DNMBP: variants seen among roughly 807,000 people sequenced by gnomAD.
The protein encoded by DNMBP is dynamin-binding protein.
DNMBP carries 87 observed loss-of-function variants against 150.0 expected under a neutral mutation model. The observed-to-expected ratio is 0.58, with a 90% confidence interval of 0.49 to 0.69. DNMBP has a LOEUF of 0.69. DNMBP is among the 30% of genes least tolerant of loss of function. DNMBP has a pLI of 0.00. For missense variants in DNMBP, 1,774 were observed against 1,949.0 expected (o/e 0.91, Z 1.69); for synonymous variants, 711 against 750.4 (o/e 0.95, Z 0.86).
chr10:99,969,370 G>A (rs1244019768), intron 2 of DNMBP, 133 bp from the exon 3 acceptor site: 1 of 855,568 alleles, frequency 1.2e-6, no homozygotes, highest in Non-Finnish European at 1.8e-6. Flanking sequence ...CTCATAATTG[G>A]AGAATCTGTT....
intron 4 of DNMBP, among the ~76,000 whole-genome samples, chr10:99,913,729 CGAAG>C (rs915096347): frequency 2.0e-5 from 3 of 152,084 alleles, no homozygotes; most frequent in African/African-American, 7.2e-5. Context: ...TCCTAAAGTT[CGAAG>C]GAAGGGAGTC....
chr10:99,978,272 C>A (rs972379992), intron 1 of DNMBP, among the ~76,000 whole-genome samples: 1 of 152,146 alleles, frequency 6.6e-6, no homozygotes, highest in Non-Finnish European at 1.5e-5. Context: ...TTCATTGGTT[C>A]TTCCTTCAAC....
intron 1 of DNMBP, among the ~76,000 whole-genome samples, chr10:99,995,754 A>T (rs1349759175): frequency 2.2e-5 from 1 of 46,236 alleles, no homozygotes; most frequent in Non-Finnish European, 4.4e-5. Flanking sequence ...TGTGACAAAC[A>T]ATCTGGAAGA....
chr10:99,958,941 T>C (rs1377440443), intron 3 of DNMBP, among the ~76,000 whole-genome samples: 1 of 152,234 alleles, frequency 6.6e-6, no homozygotes, highest in Non-Finnish European at 1.5e-5. Context: ...GTGTCAACGA[T>C]GAATATTTGC....
At chr10:99,981,243 T>C (rs1368383134) in intron 1 of DNMBP, among the ~76,000 whole-genome samples, 2 of 152,116 alleles carry the variant, frequency 1.3e-5, no homozygotes, top group Non-Finnish European at 2.9e-5. Flanking sequence ...GTGCAGTGGC[T>C]CAATCTCAGC....
chr10:99,914,182 TGA>T, intron 4 of DNMBP: 1 of 1,203,306 alleles, frequency 8.3e-7, no homozygotes, highest in Non-Finnish European at 1.1e-6. Context: ...CGTACTGGAC[TGA>T]GAAGTGCACC....
chr10:99,876,930 C>T lies in DNMBP; in HGVS notation c.*221G>A. ...CTTCTCATAGTCACTAAGTCATTTG[C>T]AAAGCCCCAGGGTCCATTTCAAATT... On this transcript the variant is annotated 3_prime_UTR_variant, in exon 17 of 17. Coordinates refer to ENST00000324109, the MANE Select transcript of DNMBP (RefSeq NM_015221.4). The T allele has an allele frequency of 2.2e-6, 1 of 450,550 alleles. No individual in the cohort carries two copies. Among genetic ancestry groups the T allele is most frequent in the Non-Finnish European group, 3.9e-6 (1 of 258,320 alleles). The allele number at this position is 450,550 out of a possible 1,614,324, so 27.9% of individuals were successfully genotyped here.
chr10:99,951,815 A>T (rs188209130), intron 4 of DNMBP, among the ~76,000 whole-genome samples: 64 of 152,344 alleles, frequency 4.2e-4, no homozygotes, highest in African/African-American at 1.3e-3. Flanking sequence ...GAGACGTCGA[A>T]CTGTGGACTT....
chr10:99,982,188 T>C (rs2040785726), intron 1 of DNMBP, among the ~76,000 whole-genome samples: 1 of 152,170 alleles, frequency 6.6e-6, no homozygotes, highest in Non-Finnish European at 1.5e-5. Flanking sequence ...CTCACACCTA[T>C]AATCCCAGCA....
Position 99,877,101 on chromosome 10 carries a change from C to CG in DNMBP, c.*49dup. 1 of 1,397,904 alleles carries CG rather than the reference C, an allele frequency of 7.2e-7. No individual in the cohort carries two copies. The highest frequency in any genetic ancestry group is 9.4e-7 in the Non-Finnish European group (1 of 1,059,938). The allele number at this position is 1,397,904 out of a possible 1,614,324, so 86.6% of individuals were successfully genotyped here. On this transcript the variant is annotated 3_prime_UTR_variant, in exon 17 of 17. Coordinates refer to ENST00000324109, the MANE Select transcript of DNMBP (RefSeq NM_015221.4). ...CCTCTCGGTGGGCCGCCAGAACCCT[C>CG]GGCGGACTGAAAGCAAAGGCAGCAA...
intron 6 of DNMBP, among the ~76,000 whole-genome samples, chr10:99,903,636 C>T (rs752016597): frequency 2.0e-5 from 3 of 151,972 alleles, no homozygotes; most frequent in Non-Finnish European, 4.4e-5. Flanking sequence ...CTGGCCTTCA[C>T]GGCCACTTTG....
intron 7 of DNMBP, 147 bp from the exon 8 acceptor site, chr10:99,898,907 C>G: frequency 1.2e-6 from 1 of 830,814 alleles, no homozygotes; most frequent in East Asian, 2.7e-5. Context: ...AAAATGTTAG[C>G]CCCGGCCAGG....
At chr10:99,941,329 C>A (rs2040298383) in intron 4 of DNMBP, among the ~76,000 whole-genome samples, 1 of 152,200 alleles carries the variant, frequency 6.6e-6, no homozygotes, top group South Asian at 2.1e-4. Flanking sequence ...TCATATTCTC[C>A]TATACGCCCA....
intron 9 of DNMBP, among the ~76,000 whole-genome samples, chr10:99,897,443 CTA>C (rs2039671812): frequency 6.6e-6 from 1 of 152,140 alleles, no homozygotes; most frequent in African/African-American, 2.4e-5. Context: ...AGAAAAAAGT[CTA>C]TGCATGGACT....
chr10:99,880,171 C>G lies in DNMBP; in HGVS notation c.4188G>C (p.Ser1396=), dbSNP rs755299402. 2 of 1,614,010 alleles carry G rather than the reference C, an allele frequency of 1.2e-6. No individual in the cohort carries two copies. The highest frequency in any genetic ancestry group is 2.7e-5 in the African/African-American group (2 of 74,892). ...NPSSMAVSFT[S]GSCQKQPQDA... The stretch of plus-strand genomic sequence containing the variant: ...CTTGAGGCTGCTTCTGGCAAGACCC[C>G]GAGGTAAAGGATACAGCCATGCTGC... Residue 1396 remains serine (S), a synonymous_variant, in exon 16 of 17, where the codon TCG becomes TCC. Transcript: ENST00000324109.
chr10:99,886,038 T>C (rs949121025), intron 13 of DNMBP, among the ~76,000 whole-genome samples, 172 bp from the exon 14 acceptor site: 2 of 152,198 alleles, frequency 1.3e-5, no homozygotes, highest in African/African-American at 4.8e-5. Context: ...AGCAGCCTGA[T>C]GCAAGACACA....
chr10:99,906,527 T>G (rs755483525), intron 6 of DNMBP, among the ~76,000 whole-genome samples: 1 of 152,154 alleles, frequency 6.6e-6, no homozygotes, highest in South Asian at 2.1e-4. Flanking sequence ...AAGATCAGGT[T>G]ATAGAAGACT....
At position 99,959,876 on chromosome 10, in the gene DNMBP, A is replaced by C. The variant is rs546742006; in HGVS notation, c.269-2671T>G. 3.4e-3 allele frequency among the ~76,000 whole-genome samples: 498 copies of C among 147,406 alleles called. 2 individuals carry two copies. The highest frequency in any genetic ancestry group is 0.012 in the African/African-American group (462 of 39,836). ...TCTCAAAAAAAAAAAACAAAAAAAA[A>C]ACAAATCTTTAGTAAAGGGTTCTTT... is the stretch of plus-strand genomic sequence containing the variant. On this transcript the variant is annotated intron_variant, in intron 3 of 16. Transcript: ENST00000324109.
intron 6 of DNMBP, among the ~76,000 whole-genome samples, chr10:99,905,755 G>A (rs546146205): frequency 1.2e-4 from 18 of 152,304 alleles, no homozygotes; most frequent in Non-Finnish European, 2.4e-4. Context: ...AAGATCGCTT[G>A]AGGCCAGGCA....
Sources: allele counts gnomAD v4.1 joint callset (sites outside exome capture counted in the v4.1 genomes callset), GRCh38; gene constraint gnomAD v4.1.1; transcripts MANE v1.5; gene names NCBI Gene and HGNC (gene_info 2026-07-23, HGNC 2026-07-21).